KLHL26: variants seen among roughly 807,000 people sequenced by gnomAD.
The protein encoded by KLHL26 is kelch-like protein 26.
Under a neutral mutation model 7.1 loss-of-function variants are expected in KLHL26, and 4 were observed. That is an observed-to-expected ratio of 0.56 (90% CI 0.28 to 1.28). The LOEUF is 1.28. Ranked by LOEUF, KLHL26 falls within the 50% of genes most tolerant of loss-of-function variation. KLHL26 has a pLI of 0.11. For missense variants in KLHL26, 896 were observed against 924.6 expected, an observed-to-expected ratio of 0.97 and a Z score of 0.40; for synonymous variants, 465 against 414.1, an observed-to-expected ratio of 1.12 and a Z score of -1.49.
chr19:18,669,255 C>T lies in KLHL26; in HGVS notation c.*10C>T, dbSNP rs747959445. 6.9e-5 allele frequency: 111 copies of T among 1,598,080 alleles called. No homozygotes were observed. The highest frequency in any genetic ancestry group is 9.1e-5 in the Non-Finnish European group (107 of 1,173,684). ...CGGGACCAGGAGGTAGCCCCCAAGA[C>T]CCCCGGGACCCTGGCCTGACCGCAT... On this transcript the variant is annotated 3_prime_UTR_variant, in exon 3 of 3. Transcript: ENST00000300976.
At chr19:18,641,985 CTGTT>C (rs896797312) in intron 1 of KLHL26, among the ~76,000 whole-genome samples, 39 of 152,152 alleles carry the variant, frequency 2.6e-4, no homozygotes, top group African/African-American at 9.4e-4. Flanking sequence ...TGAAAAATCA[CTGTT>C]TGGAGCAACT....
chr19:18,659,385 G>A (rs1250916105), intron 1 of KLHL26, among the ~76,000 whole-genome samples: 1 of 152,240 alleles, frequency 6.6e-6, no homozygotes, highest in African/African-American at 2.4e-5. Context: ...GGGCGGCATC[G>A]CATCAGCCGG....
intron 1 of KLHL26, among the ~76,000 whole-genome samples, chr19:18,642,401 TTTGTTGCCCAGGC>T (rs2145370532): frequency 6.9e-6 from 1 of 145,914 alleles, no homozygotes; most frequent in South Asian, 2.2e-4. Flanking sequence ...GAGTTTCGCT[TTTGTTGCCCAGGC>T]TGGAGTGCAG....
At chr19:18,652,729 C>G (rs147794929) in intron 1 of KLHL26, among the ~76,000 whole-genome samples, 1 of 152,216 alleles carries the variant, frequency 6.6e-6, no homozygotes, top group African/African-American at 2.4e-5. Flanking sequence ...CACAGCACCC[C>G]TCCCATCCTG....
In KLHL26 at chr19:18,656,011, C is replaced by T. The variant is rs565846733; in HGVS notation, c.84-8250C>T. ...GGGGTGGCCACACGTATCCATCATC[C>T]ACCCACCCATGCCTCCAGCCTCCTT... On this transcript the variant is annotated intron_variant, in intron 1 of 2. Coordinates refer to ENST00000300976, the MANE Select transcript of KLHL26 (RefSeq NM_018316.3). The surrounding 1 kb of genome is among the most constrained non-coding windows in gnomAD (Gnocchi z 4.4). 2.5e-4 allele frequency among the ~76,000 whole-genome samples: 38 copies of T among 152,264 alleles called. No individual in the cohort carries two copies. Among genetic ancestry groups the T allele is most frequent in the African/African-American group, 9.1e-4 (38 of 41,540 alleles).
At chr19:18,639,688 G>A (rs192145257) in intron 1 of KLHL26, among the ~76,000 whole-genome samples, 11 of 152,156 alleles carry the variant, frequency 7.2e-5, no homozygotes, top group African/African-American at 2.6e-4. Context: ...GGGATTACAG[G>A]TGTGAACCAC....
chr19:18,639,403 G>GT (rs34034254), intron 1 of KLHL26, among the ~76,000 whole-genome samples: 1,359 of 71,236 alleles, frequency 0.019, 119 homozygotes, highest in East Asian at 0.026. Context: ...TTATCATTAA[G>GT]TTTTTTTTTT....
At chr19:18,639,751 T>A (rs953287234) in intron 1 of KLHL26, among the ~76,000 whole-genome samples, 1 of 152,070 alleles carries the variant, frequency 6.6e-6, no homozygotes, top group Admixed American at 6.6e-5. Flanking sequence ...TTGTGCATCC[T>A]TCACCACAAT....
In KLHL26 at chr19:18,649,696, T is replaced by C. The variant is rs1600689764; in HGVS notation, c.83+12559T>C. Among the ~76,000 whole-genome samples, 1 of 152,138 alleles carries C rather than the reference T, an allele frequency of 6.6e-6. No individual in the cohort carries two copies. Among genetic ancestry groups the C allele is most frequent in the South Asian group, 2.1e-4 (1 of 4,828 alleles). On this transcript the variant is annotated intron_variant, in intron 1 of 2. Transcript: ENST00000300976. The surrounding 1 kb of genome is among the most constrained non-coding windows in gnomAD (Gnocchi z 4.0). ...CCCGCCCTCCTCCTCTGGTAGCCGC[T>C]CTGCAGCTGTGCGGACCAGCTCTCT...
At chr19:18,662,087 A>G (rs966706582) in intron 1 of KLHL26, among the ~76,000 whole-genome samples, 6 of 152,148 alleles carry the variant, frequency 3.9e-5, no homozygotes, top group Non-Finnish European at 7.3e-5. Context: ...ATGGAAGAGC[A>G]TGGTAAATAT....
At position 18,646,646 on chromosome 19, in the gene KLHL26, G is replaced by A; in HGVS notation, c.83+9509G>A. Among the ~76,000 whole-genome samples, 1 of 152,182 alleles carries A rather than the reference G, an allele frequency of 6.6e-6. No individual in the cohort carries two copies. The highest frequency in any genetic ancestry group is 1.9e-4 in the East Asian group (1 of 5,184). On this transcript the variant is annotated intron_variant, in intron 1 of 2. Transcript: ENST00000300976. The surrounding 1 kb of genome is among the most constrained non-coding windows in gnomAD (Gnocchi z 5.0). Reference sequence around the variant, plus strand: ...TCTGGGAGGAAACGAGTGGGGAGAGGTCACATGTACCTCATCAGTGTTACT... The same window carrying A: ...TCTGGGAGGAAACGAGTGGGGAGAGATCACATGTACCTCATCAGTGTTACT...
chr19:18,638,328 G>C lies in KLHL26; in HGVS notation c.83+1191G>C, dbSNP rs578143504. ...AATGGAACACGCATGGGATGGGTGG[G>C]GAAGGGAGGAGGGATGGCTGGGCCA... On this transcript the variant is annotated intron_variant, in intron 1 of 2. Coordinates refer to ENST00000300976, the MANE Select transcript of KLHL26 (RefSeq NM_018316.3). Among the ~76,000 whole-genome samples, 11 of 152,368 alleles carry C rather than the reference G, an allele frequency of 7.2e-5. No homozygotes were observed. The South Asian group carries it at 1.9e-3, about 26-fold the overall frequency.
intron 1 of KLHL26, among the ~76,000 whole-genome samples, chr19:18,638,466 G>T (rs1976657141): frequency 6.6e-6 from 1 of 152,232 alleles, no homozygotes. Context: ...GGGGAACCCA[G>T]GAGGTGTGTG....
chr19:18,652,529 G>C (rs1222867051), intron 1 of KLHL26, among the ~76,000 whole-genome samples: 2 of 148,588 alleles, frequency 1.3e-5, no homozygotes, highest in Non-Finnish European at 3.0e-5. Context: ...GGTGGAGGTT[G>C]CAGAGAGCTG....
In KLHL26 at chr19:18,664,368, A is replaced by G; in HGVS notation, c.191A>G (p.Asp64Gly). 1 of 1,609,838 alleles carries G rather than the reference A, an allele frequency of 6.2e-7. No individual in the cohort carries two copies. The highest frequency in any genetic ancestry group is 2.2e-5 in the East Asian group (1 of 44,868). Residue 64 changes from aspartate to glycine, a missense_variant, in exon 2 of 3, where the codon GAT becomes GGT. Coordinates refer to ENST00000300976, the MANE Select transcript of KLHL26 (RefSeq NM_018316.3). Reference sequence around the variant, plus strand: ...CTCCGCGCTCAGGGCCAGCTCCTCGATGTTGTGCTGACTATTAACAGAGAG... The same window carrying G: ...CTCCGCGCTCAGGGCCAGCTCCTCGGTGTTGTGCTGACTATTAACAGAGAG... ...ATLRAQGQLLDVVLTINREAF... is the reference protein window; with the variant it reads ...ATLRAQGQLLGVVLTINREAF...
Position 18,669,516 on chromosome 19 carries a change from C to A in KLHL26, c.*271C>A. The A allele has an allele frequency of 1.8e-6, 1 of 565,134 alleles. No homozygotes were observed. The highest frequency in any genetic ancestry group is 3.4e-5 in the Admixed American group (1 of 29,506). 35.0% of individuals were successfully genotyped at this position (565,134 alleles called of 1,614,324 possible). On this transcript the variant is annotated 3_prime_UTR_variant, in exon 3 of 3. Transcript: ENST00000300976. ...TCCCCGGGGTGGTTTCCTCGCCTGG[C>A]CCCCGAGTCCCCACGGGCTGGCGGG...
At chr19:18,660,520 C>T (rs1037410873) in intron 1 of KLHL26, among the ~76,000 whole-genome samples, 2 of 152,214 alleles carry the variant, frequency 1.3e-5, no homozygotes, top group African/African-American at 2.4e-5. Flanking sequence ...GTGGCCCCGC[C>T]GTGCCGGCCG....
Position 18,649,068 on chromosome 19 carries a change from G to T in KLHL26, c.83+11931G>T, listed in dbSNP as rs757559988. ...ACGGCTCTGCTGGGCTCTGAAGCAC[G>T]CTCACTGGAATGTCCTGTCCCAGTG... On this transcript the variant is annotated intron_variant, in intron 1 of 2. Transcript: ENST00000300976. The surrounding 1 kb of genome is among the most constrained non-coding windows in gnomAD (Gnocchi z 4.0). Among the ~76,000 whole-genome samples, 1 of 152,176 alleles carries T rather than the reference G, an allele frequency of 6.6e-6. No homozygotes were observed. The highest frequency in any genetic ancestry group is 2.4e-5 in the African/African-American group (1 of 41,440).
Position 18,667,666 on chromosome 19 carries a change from C to A in KLHL26, c.269C>A (p.Ala90Asp). ...VLAACSDYFR[A>D]MFTGGMREAS... ...CACGTTGTGTTTCTGCCCTTCAGGG[C>A]CATGTTCACCGGCGGCATGCGGGAG... Residue 90 changes from alanine (A) to aspartate (D), a missense_variant and splice_region_variant, in exon 3 of 3, where the codon GCC becomes GAC. Physicochemically the swap from Ala to Asp is moderately radical, Grantham distance 126 (BLOSUM62 -2). Transcript: ENST00000300976. 6.2e-7 allele frequency: 1 copy of A among 1,609,346 alleles called. No homozygotes were observed. The highest frequency in any genetic ancestry group is 8.5e-7 in the Non-Finnish European group (1 of 1,177,756).
Sources: allele counts gnomAD v4.1 joint callset (sites outside exome capture counted in the v4.1 genomes callset), GRCh38; gene constraint gnomAD v4.1.1; non-coding constraint Gnocchi (gnomAD v3.1); transcripts MANE v1.5; gene names NCBI Gene and HGNC (gene_info 2026-07-23, HGNC 2026-07-21).